The following CD6 variants were observed in gnomAD, a reference collection of about 807,000 sequenced individuals.
The protein encoded by CD6 is T-cell differentiation antigen CD6.
In CD6, 53 loss-of-function variants were observed where a neutral mutation model predicts 75.3. The observed-to-expected ratio is 0.70, with a 90% CI of 0.56 to 0.88. The LOEUF (loss-of-function observed/expected upper bound fraction) is 0.88. Ranked by LOEUF, CD6 falls within the 40% of genes least tolerant of loss-of-function variation. The probability of loss-of-function intolerance (pLI) is 0.00; values close to 1 mark genes in which losing one functional copy is unlikely to be tolerated. For missense variants in CD6, 770 were observed against 897.1 expected (o/e 0.86, Z 1.81); for synonymous variants, 359 against 381.5 (o/e 0.94, Z 0.69).
At chr11:61,009,012 T>C (rs2074226) in intron 4 of CD6, among the ~76,000 whole-genome samples, 167 bp downstream of exon 4, 41,842 of 152,026 alleles carry the variant, frequency 0.28, 7,493 homozygotes, top group East Asian at 0.56. Flanking sequence ...GAGAAAGTGG[T>C]AAATGCCCCC....
intron 8 of CD6, 114 bp from the exon 9 acceptor site, chr11:61,015,599 C>T: frequency 7.1e-6 from 9 of 1,266,936 alleles, no homozygotes; most frequent in Non-Finnish European, 1.0e-5. Context: ...AAGGGGGCTA[C>T]TTGGTGCTCC....
At position 61,017,472 on chromosome 11, in the gene CD6, C is replaced by A. The variant is rs1380686140; in HGVS notation, c.1511-7C>A. Reference sequence around the variant, plus strand: ...TCACCCCTCCCCACCACCGCCTCTGCTTGCAGATTCCCAGCGGCATCGGGT... The same window carrying A: ...TCACCCCTCCCCACCACCGCCTCTGATTGCAGATTCCCAGCGGCATCGGGT... On this transcript the variant is annotated splice_polypyrimidine_tract_variant and splice_region_variant and intron_variant, in intron 9 of 12. Transcript: ENST00000313421. 11 of 1,548,418 alleles carry A rather than the reference C, an allele frequency of 7.1e-6. No individual in the cohort carries two copies. Among genetic ancestry groups the A allele is most frequent in the Non-Finnish European group, 8.7e-6 (10 of 1,146,360 alleles).
Position 61,017,499 on chromosome 11 carries a change from A to G in CD6, c.1531A>G (p.Thr511Ala). Residue 511 changes from threonine (T) to alanine (A), a missense_variant, in exon 10 of 13, where the codon ACA becomes GCA. By Grantham distance (58) the Thr-to-Ala change is moderately conservative. Coordinates refer to ENST00000313421, the MANE Select transcript of CD6 (RefSeq NM_006725.5). ...TFYNSQRHRV[T>A]DEEVQQSRFQ... ...TGCAGATTCCCAGCGGCATCGGGTC[A>G]CAGATGAGGAGGTCCAGCAAAGCAG... 6.5e-7 allele frequency: 1 copy of G among 1,549,930 alleles called. No homozygotes were observed. Among genetic ancestry groups the G allele is most frequent in the South Asian group, 1.2e-5 (1 of 84,002 alleles).
intron 1 of CD6, among the ~76,000 whole-genome samples, chr11:60,980,274 C>A (rs376908120): frequency 6.6e-6 from 1 of 152,094 alleles, no homozygotes; most frequent in African/African-American, 2.4e-5. Context: ...TAATTCAGCA[C>A]GTTGGGAGGC....
chr11:61,017,735 AC>A (rs1859477293), intron 10 of CD6, 23 bp from the exon 11 acceptor site: 2 of 1,613,130 alleles, frequency 1.2e-6, no homozygotes, highest in Middle Eastern at 1.6e-4. Flanking sequence ...TTCTTTCGTC[AC>A]CATTCTCCCT....
At chr11:60,991,148 TC>T (rs1180285076) in intron 1 of CD6, among the ~76,000 whole-genome samples, 971 of 85,404 alleles carry the variant, frequency 0.011, 12 homozygotes, top group African/African-American at 0.047. Flanking sequence ...TCTTTTTCTT[TC>T]TTTTTTTTTT....
chr11:61,011,374 A>G (rs555227028), intron 6 of CD6, among the ~76,000 whole-genome samples: 8 of 152,162 alleles, frequency 5.3e-5, no homozygotes, highest in Admixed American at 4.6e-4. Flanking sequence ...CCTGGACAGA[A>G]GTCCATTCCC....
intron 10 of CD6, 22 bp from the exon 11 acceptor site, chr11:61,017,737 C>T (rs779620102): frequency 1.2e-6 from 2 of 1,613,680 alleles, no homozygotes; most frequent in Non-Finnish European, 1.7e-6. Context: ...CTTTCGTCAC[C>T]ATTCTCCCTT....
In CD6 at chr11:61,020,093, C is replaced by T; in HGVS notation, c.*775C>T. The T allele has an allele frequency of 2.5e-6, 1 of 398,758 alleles. No individual in the cohort carries two copies. The highest frequency in any genetic ancestry group is 4.4e-6 in the Non-Finnish European group (1 of 226,220). 24.7% of individuals were successfully genotyped at this position (398,758 alleles called of 1,614,324 possible). Reference sequence around the variant, plus strand: ...TATGGTTTACAAAGAGGGCCCCAGCCCAGCCCCACCACAGATCCCAGAGAT... The same window carrying T: ...TATGGTTTACAAAGAGGGCCCCAGCTCAGCCCCACCACAGATCCCAGAGAT... On this transcript the variant is annotated 3_prime_UTR_variant, in exon 13 of 13. Transcript: ENST00000313421.
chr11:61,007,750 G>GATGCCGCCCC lies in CD6; in HGVS notation c.309_310insATGCCGCCCC (p.Leu104MetfsTer18). ...CTCAGCTCGCCCCGCCGACCCCTGAGCTGCCGCCCCCGCCTGCAGCCGGGA... is the reference window on the plus strand; with the variant it reads ...CTCAGCTCGCCCCGCCGACCCCTGAGATGCCGCCCCCTGCCGCCCCCGCCTGCAGCCGGGA... On this transcript the variant is annotated frameshift_variant, in exon 3 of 13. Transcript: ENST00000313421. LOFTEE classifies it high-confidence loss of function. This position sits in a 1 kb window ranked among gnomAD's most constrained non-coding sequence, Gnocchi z 4.2. 6.9e-7 allele frequency: 1 copy of GATGCCGCCCC among 1,446,404 alleles called. No individual in the cohort carries two copies. The allele number at this position is 1,446,404 out of a possible 1,614,324, so 89.6% of individuals were successfully genotyped here. A position where few individuals can be genotyped will look rare whatever the true frequency, so the allele number is the denominator to read the frequency against.
chr11:61,006,771 G>A, intron 2 of CD6, 129 bp downstream of exon 2: 2 of 726,276 alleles, frequency 2.8e-6, no homozygotes, highest in South Asian at 3.2e-5. Context: ...ACTTCTTCCT[G>A]ACCCATCACC....
intron 1 of CD6, among the ~76,000 whole-genome samples, chr11:61,005,124 C>T (rs1325039231): frequency 2.6e-5 from 4 of 152,210 alleles, no homozygotes; most frequent in African/African-American, 9.6e-5. Flanking sequence ...GCCTCAGGCC[C>T]ACGCATCAGT....
At chr11:61,011,883 A>G (rs979029674) in intron 6 of CD6, among the ~76,000 whole-genome samples, 1 of 152,232 alleles carries the variant, frequency 6.6e-6, no homozygotes, top group African/African-American at 2.4e-5. Context: ...GGTGATAAGC[A>G]TATAGTACTT....
intron 11 of CD6, 129 bp downstream of exon 11, chr11:61,018,142 T>G (rs1341007058): frequency 2.3e-6 from 3 of 1,314,928 alleles, no homozygotes; most frequent in Non-Finnish European, 3.2e-6. Flanking sequence ...TGTGTGCCCT[T>G]GGACACATCT....
At chr11:60,995,736 C>A (rs868179062) in intron 1 of CD6, among the ~76,000 whole-genome samples, 38 of 152,178 alleles carry the variant, frequency 2.5e-4, no homozygotes, top group Middle Eastern at 3.4e-3. Context: ...CTTTTCCCTG[C>A]TGTGAGGTCT....
At chr11:61,000,781 G>T (rs1050975480) in intron 1 of CD6, among the ~76,000 whole-genome samples, 3 of 152,212 alleles carry the variant, frequency 2.0e-5, no homozygotes, top group African/African-American at 7.2e-5. Context: ...CAGGCAACAA[G>T]GCTCTTTCGT....
intron 1 of CD6, among the ~76,000 whole-genome samples, chr11:61,002,866 G>A (rs559002600): frequency 4.2e-4 from 64 of 152,244 alleles, no homozygotes; most frequent in African/African-American, 1.5e-3. Context: ...TCACTTTTAC[G>A]ACAAAACCAC....
chr11:60,999,723 TTTTA>T (rs1289940661), intron 1 of CD6, among the ~76,000 whole-genome samples: 2 of 151,998 alleles, frequency 1.3e-5, no homozygotes, highest in African/African-American at 4.8e-5. Flanking sequence ...TTTGGTGGGT[TTTTA>T]TTTGTTTGTT....
chr11:60,990,196 C>A lies in CD6; in HGVS notation c.50-16378C>A, dbSNP rs990012316. On this transcript the variant is annotated intron_variant, in intron 1 of 12. Transcript: ENST00000313421. The stretch of plus-strand genomic sequence containing the variant: ...GTTAGAGAGGAATATTGCAAACATA[C>A]AGAAATGCATTGAGAATGACATTTG... 2.6e-5 allele frequency among the ~76,000 whole-genome samples: 4 copies of A among 152,238 alleles called. No individual in the cohort carries two copies. The East Asian group carries it at 7.7e-4, about 29-fold the overall frequency.
Sources: allele counts gnomAD v4.1 joint callset (sites outside exome capture counted in the v4.1 genomes callset), GRCh38; gene constraint gnomAD v4.1.1; non-coding constraint Gnocchi (gnomAD v3.1); transcripts MANE v1.5; gene names NCBI Gene and HGNC (gene_info 2026-07-23, HGNC 2026-07-21).